The following TENM3 variants were observed in gnomAD, a reference collection of about 807,000 sequenced individuals.
TENM3 encodes the protein teneurin transmembrane protein 3.
Under a neutral mutation model 255.1 loss-of-function variants are expected in TENM3, and 63 were observed. The observed-to-expected ratio is 0.25, with a 90% CI of 0.20 to 0.30. The LOEUF (loss-of-function observed/expected upper bound fraction) is 0.30, where lower values mean the gene tolerates loss of function less well. TENM3 is among the 10% of genes least tolerant of loss of function. The probability of loss-of-function intolerance (pLI) is 1.00; values close to 1 mark genes in which losing one functional copy is unlikely to be tolerated. For synonymous variants in TENM3, 1,306 were observed against 1,322.3 expected (o/e 0.99, Z 0.27); for missense variants, 2,929 against 3,461.1 (o/e 0.85, Z 3.86).
At chr4:181,846,534 TA>T in the TENM3 span, among the ~76,000 whole-genome samples, 3 of 152,204 alleles carry the variant, frequency 2.0e-5, no homozygotes, top group Non-Finnish European at 4.4e-5. Context: ...TGAAGATTAT[TA>T]AGAGAAAATG....
chr4:181,653,205 G>T, the TENM3 span, among the ~76,000 whole-genome samples: 1 of 152,116 alleles, frequency 6.6e-6, no homozygotes, highest in Admixed American at 6.5e-5. Flanking sequence ...TCAGGCTTCC[G>T]CACTATTCAG....
intron 1 of TENM3, among the ~76,000 whole-genome samples, chr4:182,249,208 G>C (rs1000891929): frequency 6.6e-6 from 1 of 152,174 alleles, no homozygotes; most frequent in Non-Finnish European, 1.5e-5. Flanking sequence ...TGAGTTACCT[G>C]GGTCGCGCAG....
intron 19 of TENM3, among the ~76,000 whole-genome samples, chr4:182,748,918 T>C (rs143564695): frequency 1.2e-3 from 182 of 152,310 alleles, no homozygotes; most frequent in Non-Finnish European, 2.3e-3. Context: ...GAAATTTCTA[T>C]GTCTTCTAGG....
the TENM3 span, chr4:182,084,739 A>C: frequency 6.6e-6 from 1 of 152,212 alleles, no homozygotes; most frequent in South Asian, 2.1e-4. Context: ...ACTGGTGACG[A>C]ATTTCTTCAG....
the TENM3 span, among the ~76,000 whole-genome samples, chr4:181,881,076 G>A: frequency 6.6e-6 from 1 of 152,070 alleles, no homozygotes. Flanking sequence ...AATTCTGGGG[G>A]AAATCCCAAG....
chr4:182,544,984 T>C (rs903827889), intron 3 of TENM3, among the ~76,000 whole-genome samples: 5 of 152,230 alleles, frequency 3.3e-5, no homozygotes, highest in African/African-American at 1.2e-4. Context: ...ACAGTAGATA[T>C]TGAAAACGTA....
At chr4:182,689,648 C>T (rs1253668629) in intron 12 of TENM3, among the ~76,000 whole-genome samples, 1 of 152,184 alleles carries the variant, frequency 6.6e-6, no homozygotes, top group African/African-American at 2.4e-5. Context: ...TTCTCTCCCA[C>T]TAGGAGAGGT....
At chr4:181,964,684 G>A in the TENM3 span, among the ~76,000 whole-genome samples, 1 of 152,062 alleles carries the variant, frequency 6.6e-6, no homozygotes, top group Non-Finnish European at 1.5e-5. Flanking sequence ...TTGGTATACT[G>A]CATGCACTGC....
At chr4:182,308,343 G>T (rs1176487222) in intron 1 of TENM3, among the ~76,000 whole-genome samples, 1 of 151,792 alleles carries the variant, frequency 6.6e-6, no homozygotes, top group Non-Finnish European at 1.5e-5. Flanking sequence ...ATGAGACAGG[G>T]TCTCACTCTG....
chr4:181,516,269 A>G, the TENM3 span, among the ~76,000 whole-genome samples: 1 of 151,906 alleles, frequency 6.6e-6, no homozygotes, highest in Non-Finnish European at 1.5e-5. Context: ...GGCTTAATAC[A>G]TAGGTGATGG....
intron 24 of TENM3, among the ~76,000 whole-genome samples, chr4:182,785,779 A>G (rs545617597): frequency 7.3e-5 from 11 of 150,388 alleles, no homozygotes; most frequent in Non-Finnish European, 1.6e-4. Flanking sequence ...ACTGTAACAA[A>G]AAAAAAAAAA....
chr4:182,116,047 A>G, the TENM3 span, among the ~76,000 whole-genome samples: 1 of 151,178 alleles, frequency 6.6e-6, no homozygotes, highest in Non-Finnish European at 1.5e-5. Flanking sequence ...ACACATCATT[A>G]TTACCCAAAG....
At chr4:181,762,985 C>T in the TENM3 span, among the ~76,000 whole-genome samples, 85 of 151,394 alleles carry the variant, frequency 5.6e-4, no homozygotes, top group African/African-American at 1.9e-3. Flanking sequence ...GAAAAATTCA[C>T]ATAATGGAAA....
At chr4:182,650,680 T>TA (rs1465757295) in intron 5 of TENM3, among the ~76,000 whole-genome samples, 1 of 148,974 alleles carries the variant, frequency 6.7e-6, no homozygotes, top group East Asian at 2.1e-4. Context: ...ATGAATATCT[T>TA]AAATTATGCA....
At chr4:182,473,020 T>C (rs1198726191) in intron 3 of TENM3, among the ~76,000 whole-genome samples, 1 of 152,230 alleles carries the variant, frequency 6.6e-6, no homozygotes, top group Non-Finnish European at 1.5e-5. Flanking sequence ...GCTCTTCCAA[T>C]CGGATGCTCA....
the TENM3 span, among the ~76,000 whole-genome samples, chr4:182,110,584 C>A: frequency 1.3e-5 from 2 of 152,122 alleles, no homozygotes; most frequent in Non-Finnish European, 2.9e-5. Flanking sequence ...CCTTGGCCTC[C>A]CAAAGTGCTG....
At chr4:182,220,290 T>C (rs1226299093) in intron 1 of TENM3, among the ~76,000 whole-genome samples, 1 of 145,694 alleles carries the variant, frequency 6.9e-6, no homozygotes, top group African/African-American at 2.6e-5. Flanking sequence ...GGCAGGAGAA[T>C]CGCTTGAACC....
the TENM3 span, among the ~76,000 whole-genome samples, chr4:181,703,814 C>A: frequency 2.5e-3 from 375 of 151,638 alleles, 1 homozygote; most frequent in Non-Finnish European, 4.3e-3. Flanking sequence ...TTTCTTTTTC[C>A]TTACCTGTGT....
At chr4:182,635,996 C>G (rs977388160) in intron 5 of TENM3, among the ~76,000 whole-genome samples, 1 of 152,122 alleles carries the variant, frequency 6.6e-6, no homozygotes, top group African/African-American at 2.4e-5. Flanking sequence ...GTTTGACATT[C>G]TTTTTTCTTT....
Sources: allele counts gnomAD v4.1 joint callset (sites outside exome capture counted in the v4.1 genomes callset), GRCh38; gene constraint gnomAD v4.1.1; transcripts MANE v1.5; gene names NCBI Gene and HGNC (gene_info 2026-07-23, HGNC 2026-07-21).